Variants in DNAAF11 observed in about 807,000 individuals in gnomAD.
DNAAF11 encodes leucine rich repeat containing 6.
DNAAF11 carries 45 observed loss-of-function variants against 60.8 expected under a neutral mutation model. The observed-to-expected ratio is 0.74, with a 90% CI of 0.58 to 0.95. DNAAF11 has a LOEUF of 0.95. Ranked by LOEUF, DNAAF11 falls within the 40% of genes least tolerant of loss-of-function variation. The probability of loss-of-function intolerance (pLI) is 0.00; values close to 1 mark genes in which losing one functional copy is unlikely to be tolerated. For missense variants in DNAAF11, 546 were observed against 546.2 expected (o/e 1.00, Z 0.00); for synonymous variants, 191 against 183.5 (o/e 1.04, Z -0.33).
At chr8:132,643,946 C>T (rs1157827614) in intron 3 of DNAAF11, among the ~76,000 whole-genome samples, 6 of 151,948 alleles carry the variant, frequency 3.9e-5, no homozygotes, top group African/African-American at 1.5e-4. Context: ...CCAGAATTTA[C>T]AAGAACAAAT....
At chr8:132,628,851 T>C (rs945846721) in intron 5 of DNAAF11, among the ~76,000 whole-genome samples, 6 of 152,218 alleles carry the variant, frequency 3.9e-5, no homozygotes, top group Non-Finnish European at 8.8e-5. Context: ...TTTTAACTTT[T>C]GTAAATTTTT....
chr8:132,664,726 A>G (rs1178018837), intron 1 of DNAAF11, among the ~76,000 whole-genome samples: 1 of 152,026 alleles, frequency 6.6e-6, no homozygotes, highest in Non-Finnish European at 1.5e-5. Flanking sequence ...TGGCTTCCCA[A>G]AGTACTGGGA....
At position 132,649,173 on chromosome 8, in the gene DNAAF11, T is replaced by C. The variant is rs560087454; in HGVS notation, c.256+7657A>G. ...TGGTACTGGTACCAAAACAGAGATA[T>C]AGACCAATGGAACACAACAGAGCCC... On this transcript the variant is annotated intron_variant, in intron 3 of 11. Coordinates refer to ENST00000620350, the MANE Select transcript of DNAAF11 (RefSeq NM_012472.6). Among the ~76,000 whole-genome samples the C allele has an allele frequency of 3.9e-5, 6 of 152,170 alleles. No homozygotes were observed. The East Asian group carries it at 9.7e-4, about 25-fold the overall frequency.
chr8:132,666,226 T>G (rs531144235), intron 1 of DNAAF11, among the ~76,000 whole-genome samples: 3 of 152,288 alleles, frequency 2.0e-5, no homozygotes, highest in South Asian at 2.1e-4. Context: ...AACCTGCACA[T>G]GTACCCTCTG....
chr8:132,685,133 A>G, the DNAAF11 span: 1 of 152,268 alleles, frequency 6.6e-6, no homozygotes, highest in African/African-American at 2.4e-5. Flanking sequence ...GAAAAAAACT[A>G]AGAAACATAT....
upstream of DNAAF11, among the ~76,000 whole-genome samples, chr8:132,677,141 G>C (rs981288479): frequency 6.6e-6 from 1 of 152,166 alleles, no homozygotes; most frequent in Non-Finnish European, 1.5e-5. Flanking sequence ...ACGTGACACT[G>C]AGCACTGATG....
At chr8:132,676,061 G>A (rs1230644379), upstream of DNAAF11, among the ~76,000 whole-genome samples, 1 of 152,094 alleles carries the variant, frequency 6.6e-6, no homozygotes, top group East Asian at 1.9e-4. Flanking sequence ...GAAAACAACA[G>A]GCTCACTATA....
intron 7 of DNAAF11, among the ~76,000 whole-genome samples, chr8:132,621,515 T>C (rs943537934): frequency 1.3e-5 from 2 of 152,038 alleles, no homozygotes; most frequent in African/African-American, 4.8e-5. Context: ...GAGGCTGCAG[T>C]GTGTGGGAAG....
chr8:132,608,582 T>G (rs570306927), intron 10 of DNAAF11: 89 of 402,580 alleles, frequency 2.2e-4, no homozygotes, highest in African/African-American at 1.8e-3. Context: ...TCATCTGTCT[T>G]GATTTCCCTT....
chr8:132,669,347 G>A (rs1824948006), intron 1 of DNAAF11, among the ~76,000 whole-genome samples: 1 of 152,200 alleles, frequency 6.6e-6, no homozygotes, highest in Non-Finnish European at 1.5e-5. Context: ...CTGGTAGGCA[G>A]AACATAGATA....
At chr8:132,661,722 T>C in intron 1 of DNAAF11, 95 bp from the exon 2 acceptor site, 1 of 1,347,740 alleles carries the variant, frequency 7.4e-7, no homozygotes. Context: ...TTTGTTTGTT[T>C]TTGCAGTTGA....
chr8:132,603,067 T>G (rs1272787672), intron 10 of DNAAF11, among the ~76,000 whole-genome samples: 2 of 152,250 alleles, frequency 1.3e-5, no homozygotes, highest in Admixed American at 1.3e-4. Context: ...GGACATTAGT[T>G]GTTTTCTTCC....
At chr8:132,610,119 G>A (rs1335703744) in intron 10 of DNAAF11, 47 bp downstream of exon 10, 1 of 1,375,132 alleles carries the variant, frequency 7.3e-7, no homozygotes, top group Admixed American at 1.7e-5. Flanking sequence ...GTTCCTTCAG[G>A]AACCCTCATA....
the DNAAF11 span, among the ~76,000 whole-genome samples, chr8:132,697,232 A>G: frequency 9.6e-4 from 146 of 152,344 alleles, 2 homozygotes; most frequent in South Asian, 0.018. Context: ...TAAGTTTTCT[A>G]AAGTTGGACT....
chr8:132,666,637 T>A (rs536574002), intron 1 of DNAAF11, among the ~76,000 whole-genome samples: 1 of 152,026 alleles, frequency 6.6e-6, no homozygotes, highest in Admixed American at 6.5e-5. Context: ...ACATGACAAT[T>A]AACCAGAAAA....
At chr8:132,631,538 C>G (rs1474202125) in intron 5 of DNAAF11, among the ~76,000 whole-genome samples, 1 of 152,100 alleles carries the variant, frequency 6.6e-6, no homozygotes, top group Non-Finnish European at 1.5e-5. Flanking sequence ...AACACACATA[C>G]TCAAACTACT....
intron 10 of DNAAF11, among the ~76,000 whole-genome samples, chr8:132,606,080 T>C (rs148981173): frequency 1.4e-5 from 2 of 147,528 alleles, no homozygotes; most frequent in Non-Finnish European, 3.0e-5. Flanking sequence ...GAAAAATTCC[T>C]ATTGCCTACT....
the DNAAF11 span, among the ~76,000 whole-genome samples, chr8:132,683,475 C>T: frequency 6.6e-6 from 1 of 152,174 alleles, no homozygotes; most frequent in Non-Finnish European, 1.5e-5. Flanking sequence ...CTTGTATGGG[C>T]ACCTGGAATA....
intron 10 of DNAAF11, among the ~76,000 whole-genome samples, chr8:132,598,519 A>G (rs1044014394): frequency 4.6e-5 from 7 of 152,234 alleles, no homozygotes; most frequent in African/African-American, 1.7e-4. Flanking sequence ...TGTAGGTGGT[A>G]AAGTCTTTCA....
Sources: gnomAD v4.1 joint callset for allele counts (sites outside exome capture counted in the v4.1 genomes callset) on GRCh38, gnomAD v4.1.1 for gene constraint, MANE v1.5 for transcripts, NCBI Gene and HGNC (gene_info 2026-07-23, HGNC 2026-07-21) for gene names.